Variants in PNISR observed in about 807,000 individuals in gnomAD.
PNISR encodes the protein PNN interacting serine and arginine rich protein.
Under a neutral mutation model 93.4 loss-of-function variants are expected in PNISR, and 20 were observed. The ratio of observed to expected loss-of-function variants is 0.21; its 90% CI spans 0.15 to 0.31. The LOEUF is 0.31. Ranked by LOEUF, PNISR falls within the 10% of genes least tolerant of loss-of-function variation. PNISR has a pLI of 1.00. For missense variants in PNISR, 893 were observed against 985.4 expected (o/e 0.91, Z 1.25); for synonymous variants, 305 against 306.5 (o/e 0.99, Z 0.05).
chr6:99,412,870 T>G (rs1777130636), intron 3 of PNISR, 131 bp from the exon 4 acceptor site: 1 of 527,448 alleles, frequency 1.9e-6, no homozygotes, highest in Non-Finnish European at 3.1e-6. Context: ...ATGAGGGAAA[T>G]TAGAAAAATT....
chr6:99,401,095 ACTT>A lies in PNISR; in HGVS notation c.1860_1862del (p.Arg620del). The stretch of plus-strand genomic sequence containing the variant: ...GATTGGTTCGTCTATCCCTTGAGCG[ACTT>A]CTACTTCTACGTCTCTCTCGGGAAG... On this transcript the variant is annotated inframe_deletion, in exon 12 of 12. Coordinates refer to ENST00000369239, the MANE Select transcript of PNISR (RefSeq NM_032870.4). 6.2e-7 allele frequency: 1 copy of A among 1,613,572 alleles called. No individual in the cohort carries two copies. The highest frequency in any genetic ancestry group is 8.5e-7 in the Non-Finnish European group (1 of 1,179,964).
At chr6:99,412,142 A>G (rs1777024799) in intron 4 of PNISR, 2 of 406,472 alleles carry the variant, frequency 4.9e-6, no homozygotes, top group Non-Finnish European at 9.8e-6. Context: ...GGCAGAGTAT[A>G]TTTGACAGAC....
At position 99,406,125 on chromosome 6, in the gene PNISR, G is replaced by A; in HGVS notation, c.908C>T (p.Ala303Val). 1 of 1,609,632 alleles carries A rather than the reference G, an allele frequency of 6.2e-7. No individual in the cohort carries two copies. ...ACTTCTGGTGACTTTCCCACTACTT[G>A]CAGCCTCAACATTTTCAGTGTCTTC... Reference protein sequence around the residue: ...EEEDTENVEAASSGKVTRSPS... With the variant: ...EEEDTENVEAVSSGKVTRSPS... Residue 303 changes from alanine (A) to valine (V), a missense_variant, in exon 8 of 12, where the codon GCA (alanine) becomes GTA (valine). Transcript: ENST00000369239.
chr6:99,414,392 AG>A (rs1014674487), intron 3 of PNISR, among the ~76,000 whole-genome samples, 179 bp downstream of exon 3: 4 of 152,216 alleles, frequency 2.6e-5, no homozygotes, highest in Non-Finnish European at 4.4e-5. Context: ...AGTCTTCCAA[AG>A]GGAAGTCCAT....
intron 1 of PNISR, among the ~76,000 whole-genome samples, chr6:99,420,275 G>C (rs747599935): frequency 2.0e-5 from 3 of 152,170 alleles, no homozygotes; most frequent in Non-Finnish European, 4.4e-5. Context: ...ATATGATTTA[G>C]AGTAAATTTT....
At chr6:99,422,731 G>A (rs1021221120) in intron 1 of PNISR, among the ~76,000 whole-genome samples, 1 of 151,970 alleles carries the variant, frequency 6.6e-6, no homozygotes, top group African/African-American at 2.4e-5. Flanking sequence ...GAAATTAGCT[G>A]GGCATGGTGG....
intron 1 of PNISR, among the ~76,000 whole-genome samples, chr6:99,420,338 TA>T (rs1392831308): frequency 6.6e-6 from 1 of 152,250 alleles, no homozygotes; most frequent in Non-Finnish European, 1.5e-5. Flanking sequence ...AATTTGCACT[TA>T]CATTAAAATT....
At chr6:99,415,097 C>T (rs1344514262) in intron 2 of PNISR, 2 of 151,922 alleles carry the variant, frequency 1.3e-5, no homozygotes, top group African/African-American at 4.8e-5. Flanking sequence ...ATAATTACAG[C>T]TAAAAAAATG....
intron 9 of PNISR, chr6:99,404,171 T>G (rs1194958706): frequency 2.4e-6 from 1 of 411,714 alleles, no homozygotes; most frequent in Non-Finnish European, 4.3e-6. Context: ...CAATACATTT[T>G]TAAGGTGTTA....
intron 1 of PNISR, among the ~76,000 whole-genome samples, chr6:99,418,067 T>C (rs1777965853): frequency 6.6e-6 from 1 of 152,090 alleles, no homozygotes; most frequent in Non-Finnish European, 1.5e-5. Context: ...GGTTTCACTT[T>C]ATCTTTGAAA....
Position 99,400,085 on chromosome 6 carries a change from A to G in PNISR, c.*455T>C, listed in dbSNP as rs1196265269. 1.3e-5 allele frequency: 2 copies of G among 155,032 alleles called. No homozygotes were observed. Among genetic ancestry groups the G allele is most frequent in the African/African-American group, 4.8e-5 (2 of 41,520 alleles). 9.6% of individuals were successfully genotyped at this position (155,032 alleles called of 1,614,324 possible). A position where few individuals can be genotyped will look rare whatever the true frequency, so the allele number is the denominator to read the frequency against. The stretch of plus-strand genomic sequence containing the variant: ...GTCTTATTATGCACTATATTTTTTG[A>G]AAAAAACGTAATACAAAGAAATCCT... On this transcript the variant is annotated 3_prime_UTR_variant, in exon 12 of 12. Transcript: ENST00000369239.
chr6:99,420,150 G>A (rs1443824877), intron 1 of PNISR, among the ~76,000 whole-genome samples: 3 of 152,172 alleles, frequency 2.0e-5, no homozygotes, highest in Non-Finnish European at 4.4e-5. Context: ...CCAAAGTGCT[G>A]GGATTACAGA....
In PNISR at chr6:99,398,457, TA is replaced by T. The variant is rs1775108004; in HGVS notation, c.*2082del. ...ATAAAGAATTCTCTAAATCTGCCAC[TA>T]AAAGTCTGAAAAACCCAAATATCAA... On this transcript the variant is annotated 3_prime_UTR_variant, in exon 12 of 12. Transcript: ENST00000369239. 6.6e-6 allele frequency: 1 copy of T among 152,114 alleles called. No homozygotes were observed. The highest frequency in any genetic ancestry group is 2.1e-4 in the South Asian group (1 of 4,834). The allele number at this position is 152,114 out of a possible 1,614,324, so 9.4% of individuals were successfully genotyped here.
Position 99,423,483 on chromosome 6 carries a change from G to T in PNISR, c.-112+1732C>A, listed in dbSNP as rs186068622. Among the ~76,000 whole-genome samples the T allele has an allele frequency of 7.9e-5, 12 of 152,296 alleles. No individual in the cohort carries two copies. The East Asian group carries it at 2.1e-3, about 27-fold the overall frequency. On this transcript the variant is annotated intron_variant, in intron 1 of 11. Coordinates refer to ENST00000369239, the MANE Select transcript of PNISR (RefSeq NM_032870.4). ...AACAGTATAAAAAGGGGTGGGGGAA[G>T]TAACTTTACAGTGGATAAATCTAAC...
chr6:99,423,551 A>G (rs1778931141), intron 1 of PNISR, among the ~76,000 whole-genome samples: 1 of 152,198 alleles, frequency 6.6e-6, no homozygotes. Flanking sequence ...TAATAATGTG[A>G]TAAGTCACCT....
chr6:99,410,015 G>A (rs1478401510), intron 5 of PNISR: 1 of 152,060 alleles, frequency 6.6e-6, no homozygotes, highest in Non-Finnish European at 1.5e-5. Context: ...ACCATCTCAA[G>A]GTGAATACTA....
intron 3 of PNISR, 81 bp from the exon 4 acceptor site, chr6:99,412,820 A>T: frequency 2.3e-6 from 2 of 864,364 alleles, no homozygotes; most frequent in Non-Finnish European, 3.4e-6. Flanking sequence ...TAAGCAGCTC[A>T]ACTATTCCTT....
intron 2 of PNISR, chr6:99,415,244 G>C (rs1326077713): frequency 6.6e-6 from 1 of 152,116 alleles, no homozygotes; most frequent in Non-Finnish European, 1.5e-5. Flanking sequence ...CAGATTATTA[G>C]GTGTCTACTA....
intron 9 of PNISR, 175 bp from the exon 10 acceptor site, chr6:99,404,057 A>G (rs1775837842): frequency 1.8e-6 from 1 of 561,028 alleles, no homozygotes; most frequent in Admixed American, 3.5e-5. Context: ...TTGAAATTAT[A>G]ACTCTGATGT....
Sources: gnomAD v4.1 joint callset for allele counts (sites outside exome capture counted in the v4.1 genomes callset) on GRCh38, gnomAD v4.1.1 for gene constraint, MANE v1.5 for transcripts, NCBI Gene and HGNC (gene_info 2026-07-23, HGNC 2026-07-21) for gene names.